The following EPM2A variants were observed in gnomAD, a reference collection of about 807,000 sequenced individuals.
EPM2A encodes EPM2A glucan phosphatase, laforin.
In EPM2A, 21 loss-of-function variants were observed where a neutral mutation model predicts 26.5. The ratio of observed to expected loss-of-function variants is 0.79; its 90% CI spans 0.56 to 1.14. The LOEUF is 1.14. Among genes scored for constraint, EPM2A ranks in the 50% most tolerant of loss-of-function variants. The probability of loss-of-function intolerance (pLI) is 0.00; values close to 1 mark genes in which losing one functional copy is unlikely to be tolerated. For synonymous variants in EPM2A, 217 were observed against 177.6 expected (o/e 1.22, Z -1.76); for missense variants, 458 against 440.8 (o/e 1.04, Z -0.35).
chr6:145,506,332 T>C (rs1188572880), intron 2 of EPM2A, among the ~76,000 whole-genome samples: 3 of 152,204 alleles, frequency 2.0e-5, no homozygotes, highest in African/African-American at 7.2e-5. Flanking sequence ...CAACCTTATC[T>C]TTTCATCCAG....
intron 4 of EPM2A, among the ~76,000 whole-genome samples, chr6:145,424,602 T>G (rs1778828469): frequency 6.6e-6 from 1 of 152,224 alleles, no homozygotes; most frequent in Non-Finnish European, 1.5e-5. Context: ...TCAATGTTTA[T>G]GTCCTCTCAA....
chr6:145,532,229 G>A (rs1190446889), intron 2 of EPM2A, among the ~76,000 whole-genome samples: 3 of 152,166 alleles, frequency 2.0e-5, no homozygotes, highest in Non-Finnish European at 4.4e-5. Flanking sequence ...AACAGAAAAG[G>A]GGGAGATGTG....
intron 4 of EPM2A, among the ~76,000 whole-genome samples, chr6:145,388,137 G>T (rs1778288002): frequency 6.6e-6 from 1 of 152,164 alleles, no homozygotes; most frequent in Admixed American, 6.6e-5. Flanking sequence ...GGAGGTTCAT[G>T]GTTATTGAAG....
intron 1 of EPM2A, 107 bp from the exon 2 acceptor site, chr6:145,686,403 G>A (rs955781899): frequency 7.0e-5 from 61 of 872,608 alleles, no homozygotes; most frequent in Non-Finnish European, 1.1e-4. Flanking sequence ...TAAACATAAA[G>A]CTACTTAATC....
intron 4 of EPM2A, among the ~76,000 whole-genome samples, chr6:145,491,552 A>G (rs907119502): frequency 2.6e-5 from 4 of 152,080 alleles, no homozygotes; most frequent in African/African-American, 9.7e-5. Context: ...GTCTCTGCCA[A>G]TGGAGCCTGG....
At chr6:145,638,600 C>T (rs1319823911) in intron 2 of EPM2A, 4 of 152,214 alleles carry the variant, frequency 2.6e-5, no homozygotes, top group Non-Finnish European at 5.9e-5. Context: ...GAACTAATTT[C>T]TGCTACTTTA....
intron 4 of EPM2A, among the ~76,000 whole-genome samples, chr6:145,468,000 T>C (rs927845766): frequency 1.3e-5 from 2 of 152,112 alleles, no homozygotes; most frequent in Non-Finnish European, 2.9e-5. Flanking sequence ...TCACATTTTA[T>C]ACAAAATATA....
intron 4 of EPM2A, among the ~76,000 whole-genome samples, chr6:145,433,830 C>T (rs1778951906): frequency 6.6e-6 from 1 of 152,102 alleles, no homozygotes; most frequent in South Asian, 2.1e-4. Context: ...TTGCTTTAAA[C>T]AGTGAATGTA....
intron 2 of EPM2A, among the ~76,000 whole-genome samples, chr6:145,573,589 A>C (rs1413250764): frequency 1.3e-5 from 2 of 152,242 alleles, no homozygotes; most frequent in Non-Finnish European, 2.9e-5. Context: ...TGATGGCACT[A>C]ATCTCCGCAA....
intron 1 of EPM2A, among the ~76,000 whole-genome samples, chr6:145,710,437 G>T (rs571053484): frequency 6.6e-6 from 1 of 152,200 alleles, no homozygotes; most frequent in East Asian, 1.9e-4. Context: ...TCTCACACCA[G>T]TTACAATGGC....
chr6:145,539,157 G>A (rs1469545673), intron 2 of EPM2A, among the ~76,000 whole-genome samples: 1 of 152,138 alleles, frequency 6.6e-6, no homozygotes, highest in Non-Finnish European at 1.5e-5. Flanking sequence ...CATGCCTCAG[G>A]GAGCAAAATC....
chr6:145,437,890 A>G (rs9403700), intron 4 of EPM2A, among the ~76,000 whole-genome samples: 120,892 of 152,222 alleles, frequency 0.79, 48,137 homozygotes, highest in East Asian at 0.91. Flanking sequence ...ATGGAATTTT[A>G]AGTAATTTTA....
At chr6:145,434,480 T>A (rs1778963559) in intron 4 of EPM2A, among the ~76,000 whole-genome samples, 1 of 152,152 alleles carries the variant, frequency 6.6e-6, no homozygotes, top group Non-Finnish European at 1.5e-5. Flanking sequence ...TGGCACTTCC[T>A]CCTCTCTGCT....
At chr6:145,722,360 CAG>C (rs1290842851) in intron 1 of EPM2A, among the ~76,000 whole-genome samples, 1 of 152,154 alleles carries the variant, frequency 6.6e-6, no homozygotes, top group Non-Finnish European at 1.5e-5. Context: ...TTGGAATAAA[CAG>C]AGTCTCTACT....
intron 1 of EPM2A, among the ~76,000 whole-genome samples, chr6:145,689,419 C>T (rs1281615754): frequency 6.6e-6 from 1 of 152,102 alleles, no homozygotes; most frequent in Non-Finnish European, 1.5e-5. Context: ...AATAAACAAA[C>T]ATAAGATAAC....
chr6:145,690,696 G>A (rs572896171), intron 1 of EPM2A, among the ~76,000 whole-genome samples: 1 of 151,764 alleles, frequency 6.6e-6, no homozygotes, highest in African/African-American at 2.4e-5. Context: ...TTAGAATTAT[G>A]TGATAATTAT....
chr6:145,662,958 T>A (rs998274900), intron 2 of EPM2A, among the ~76,000 whole-genome samples: 1 of 152,148 alleles, frequency 6.6e-6, no homozygotes, highest in Non-Finnish European at 1.5e-5. Flanking sequence ...GAGGTCAACA[T>A]TTAAATAAAT....
At chr6:145,563,120 T>G (rs1286954498) in intron 2 of EPM2A, among the ~76,000 whole-genome samples, 1 of 151,644 alleles carries the variant, frequency 6.6e-6, no homozygotes, top group East Asian at 2.0e-4. Flanking sequence ...GATTTTGTGT[T>G]GCAGTTAGAG....
chr6:145,558,030 T>C (rs1780753388), intron 2 of EPM2A, among the ~76,000 whole-genome samples: 1 of 152,152 alleles, frequency 6.6e-6, no homozygotes, highest in Non-Finnish European at 1.5e-5. Context: ...GTATTTGTTT[T>C]CTGTGCCTGG....
Sources: gnomAD v4.1 joint callset for allele counts (sites outside exome capture counted in the v4.1 genomes callset) on GRCh38, gnomAD v4.1.1 for gene constraint, MANE v1.5 for transcripts, NCBI Gene and HGNC (gene_info 2026-07-23, HGNC 2026-07-21) for gene names.